Variants in BAZ2B observed in about 807,000 individuals in gnomAD.
BAZ2B encodes the protein bromodomain adjacent to zinc finger domain protein 2B.
In BAZ2B, 91 loss-of-function variants were observed where a neutral mutation model predicts 246.0. The ratio of observed to expected loss-of-function variants is 0.37; its 90% CI spans 0.31 to 0.44. The LOEUF (loss-of-function observed/expected upper bound fraction) is 0.44. BAZ2B is among the 20% of genes least tolerant of loss of function. The probability of loss-of-function intolerance (pLI) is 1.00; values close to 1 mark genes in which losing one functional copy is unlikely to be tolerated. For synonymous variants in BAZ2B, 855 were observed against 860.0 expected, an observed-to-expected ratio of 0.99 and a Z score of 0.10; for missense variants, 2,332 against 2,533.7, an observed-to-expected ratio of 0.92 and a Z score of 1.71.
chr2:159,537,958 G>C (rs2086219832), intron 2 of BAZ2B, among the ~76,000 whole-genome samples: 1 of 152,130 alleles, frequency 6.6e-6, no homozygotes, highest in South Asian at 2.1e-4. Context: ...TGTAGGAAGA[G>C]GCTGGTTTCA....
chr2:159,631,362 T>C, the BAZ2B span, among the ~76,000 whole-genome samples: 4 of 152,248 alleles, frequency 2.6e-5, no homozygotes, highest in African/African-American at 9.6e-5. Context: ...ACTTGCATAC[T>C]GTAAATACCT....
intron 1 of BAZ2B, among the ~76,000 whole-genome samples, chr2:159,587,080 A>T (rs1436164544): frequency 1.3e-5 from 2 of 150,390 alleles, no homozygotes; most frequent in Non-Finnish European, 3.0e-5. Flanking sequence ...ATCACCTGCA[A>T]CTTTTTTTTT....
rs568299951 is a variant in BAZ2B, at chr2:159,546,462, A to G, written c.-3+9361T>C. 6.7e-5 allele frequency among the ~76,000 whole-genome samples: 10 copies of G among 148,960 alleles called. 2 individuals are homozygous for G. The South Asian group carries it at 2.2e-3, about 33-fold the overall frequency. On this transcript the variant is annotated intron_variant, in intron 2 of 36. Transcript: ENST00000392783. ...GTAAATTGCCCAGTCTCGGGTAATC[A>G]GCAGCGTGAAAATGGACTAATACAT...
In BAZ2B at chr2:159,430,917, A is replaced by G. The variant is rs1354474707; in HGVS notation, c.2140T>C (p.Ser714Pro). ...APAALCSESQ[S>P]PAFLGTSSST... is the part of the protein sequence containing the mutation. Reference sequence around the variant, plus strand: ...GAAGATGTACCAAGAAAAGCAGGTGACTGGGATTCAGAACATAAGGCAGCA... The same window carrying G: ...GAAGATGTACCAAGAAAAGCAGGTGGCTGGGATTCAGAACATAAGGCAGCA... Residue 714 changes from serine (S) to proline (P), a missense_variant, in exon 10 of 37, where the codon TCA becomes CCA. Around this residue, in one of 9 missense-constraint regions of BAZ2B, gnomAD observed 651 missense variants for 650.9 expected, o/e 1.00. Transcript: ENST00000392783. The G allele has an allele frequency of 1.2e-6, 2 of 1,613,944 alleles. No homozygotes were observed. The highest frequency in any genetic ancestry group is 2.2e-5 in the South Asian group (2 of 91,084).
intron 16 of BAZ2B, 56 bp from the exon 17 acceptor site, chr2:159,400,720 G>A: frequency 9.8e-7 from 1 of 1,021,718 alleles, no homozygotes; most frequent in Non-Finnish European, 1.5e-6. Context: ...TGAGTAAAGA[G>A]TATTTGAGTG....
At chr2:159,684,968 A>G in the BAZ2B span, among the ~76,000 whole-genome samples, 1 of 152,220 alleles carries the variant, frequency 6.6e-6, no homozygotes, top group Non-Finnish European at 1.5e-5. Flanking sequence ...ATGCTTACTC[A>G]CTAAAGTGGA....
chr2:159,663,070 T>C, the BAZ2B span, among the ~76,000 whole-genome samples: 2 of 152,184 alleles, frequency 1.3e-5, no homozygotes, highest in Non-Finnish European at 2.9e-5. Context: ...TCTTATTAAA[T>C]GTATGATTTG....
At chr2:159,639,643 T>C in the BAZ2B span, among the ~76,000 whole-genome samples, 1 of 152,084 alleles carries the variant, frequency 6.6e-6, no homozygotes, top group Non-Finnish European at 1.5e-5. Flanking sequence ...GGTTATAAGG[T>C]AGTATTTGCA....
chr2:159,617,465 G>A (rs1418182480), upstream of BAZ2B, among the ~76,000 whole-genome samples: 1 of 149,152 alleles, frequency 6.7e-6, no homozygotes. Context: ...TAGCCAAGAA[G>A]ATACGTATTT....
intron 1 of BAZ2B, among the ~76,000 whole-genome samples, chr2:159,570,019 CTAAGTTGTATATAT>C (rs1187513131): frequency 6.6e-6 from 1 of 152,098 alleles, no homozygotes; most frequent in Non-Finnish European, 1.5e-5. Flanking sequence ...ATGTGTTAAA[CTAAGTTGTATATAT>C]TATCTATGCC....
intron 33 of BAZ2B, among the ~76,000 whole-genome samples, chr2:159,333,939 T>A (rs1003886109): frequency 2.0e-5 from 3 of 152,162 alleles, no homozygotes; most frequent in Non-Finnish European, 2.9e-5. Flanking sequence ...AATCAGTATC[T>A]ATTTTTTGAC....
At chr2:159,351,307 T>C (rs1160326010) in intron 27 of BAZ2B, among the ~76,000 whole-genome samples, 1 of 152,092 alleles carries the variant, frequency 6.6e-6, no homozygotes, top group Non-Finnish European at 1.5e-5. Context: ...AACATATAAC[T>C]TCATCATAAA....
At chr2:159,502,858 G>C (rs769383259) in intron 2 of BAZ2B, among the ~76,000 whole-genome samples, 1 of 152,134 alleles carries the variant, frequency 6.6e-6, no homozygotes, top group Non-Finnish European at 1.5e-5. Flanking sequence ...TCAGGTGCTC[G>C]TCCATTTAGT....
intron 25 of BAZ2B, among the ~76,000 whole-genome samples, chr2:159,377,179 C>G (rs1477571082): frequency 1.3e-5 from 2 of 152,080 alleles, no homozygotes; most frequent in African/African-American, 4.8e-5. Context: ...AACCTCCCTG[C>G]CTTAAAGGAA....
the BAZ2B span, among the ~76,000 whole-genome samples, chr2:159,649,003 T>A: frequency 5.9e-5 from 9 of 152,232 alleles, no homozygotes; most frequent in Non-Finnish European, 1.2e-4. Flanking sequence ...GTTTTTTAAA[T>A]TTTAGTCATT....
In BAZ2B at chr2:159,320,242, AAAAT is replaced by A; in HGVS notation, c.*19_*22del. Reference sequence around the variant, plus strand: ...TCATTTGTCCTTGTTTAGAAGGAAAAAAATAAAGAGATTATTATAACTTCAGCTC... The same window carrying A: ...TCATTTGTCCTTGTTTAGAAGGAAAAAAAGAGATTATTATAACTTCAGCTC... On this transcript the variant is annotated 3_prime_UTR_variant, in exon 37 of 37. Transcript: ENST00000392783. The A allele has an allele frequency of 6.6e-7, 1 of 1,508,646 alleles. No homozygotes were observed. Among genetic ancestry groups the A allele is most frequent in the Non-Finnish European group, 8.8e-7 (1 of 1,139,506 alleles). 93.5% of individuals were successfully genotyped at this position (1,508,646 alleles called of 1,614,324 possible).
In BAZ2B at chr2:159,334,406, A is replaced by G. The variant is rs142370806; in HGVS notation, c.5797-1720T>C. Among the ~76,000 whole-genome samples, 706 of 152,294 alleles carry G rather than the reference A, an allele frequency of 4.6e-3. 1 individual carries two copies. The highest frequency in any genetic ancestry group is 0.016 in the African/African-American group (675 of 41,572). The stretch of plus-strand genomic sequence containing the variant: ...ATACTGTGGGTAGAGAATTATCTGG[A>G]GGCAAATTATGACAACTCCCTCTTT... On this transcript the variant is annotated intron_variant, in intron 33 of 36. Transcript: ENST00000392783.
intron 6 of BAZ2B, among the ~76,000 whole-genome samples, chr2:159,443,538 A>G (rs2073799785): frequency 6.6e-6 from 1 of 152,164 alleles, no homozygotes; most frequent in Admixed American, 6.5e-5. Flanking sequence ...GAAAAAGTAT[A>G]GGATTTTCTT....
Position 159,324,962 on chromosome 2 carries a change from AAAT to A in BAZ2B, c.6210-11_6210-9del, listed in dbSNP as rs772336734. 1 of 1,503,206 alleles carries A rather than the reference AAAT, an allele frequency of 6.7e-7. No individual in the cohort carries two copies. The highest frequency in any genetic ancestry group is 8.8e-7 in the Non-Finnish European group (1 of 1,138,288). The allele number at this position is 1,503,206 out of a possible 1,614,324, so 93.1% of individuals were successfully genotyped here. On this transcript the variant is annotated splice_polypyrimidine_tract_variant and intron_variant, in intron 35 of 36. Coordinates refer to ENST00000392783, the MANE Select transcript of BAZ2B (RefSeq NM_013450.4). ...ATTTCAGTCAGAATCATACTAAAGAAAATAATGTTTGAAATCAGTATCCATACT... is the reference window on the plus strand; with the variant it reads ...ATTTCAGTCAGAATCATACTAAAGAAAATGTTTGAAATCAGTATCCATACT...
Sources: allele counts gnomAD v4.1 joint callset (sites outside exome capture counted in the v4.1 genomes callset), GRCh38; gene constraint gnomAD v4.1.1; regional missense constraint gnomAD v4.1.1; transcripts MANE v1.5; gene names NCBI Gene and HGNC (gene_info 2026-07-23, HGNC 2026-07-21).